Variants in LARS2 observed in about 807,000 individuals in gnomAD.
LARS2 encodes the protein leucyl-tRNA synthetase 2, mitochondrial.
Under a neutral mutation model 116.6 loss-of-function variants are expected in LARS2, and 81 were observed. That is an observed-to-expected ratio of 0.69 (90% confidence interval 0.58 to 0.84). The LOEUF is 0.84. Among genes scored for constraint, LARS2 ranks in the 40% least tolerant of loss-of-function variants. The pLI is 0.00. For missense variants in LARS2, 968 were observed against 1,114.5 expected (o/e 0.87, Z 1.87); for synonymous variants, 396 against 407.2 (o/e 0.97, Z 0.33).
chr3:45,505,086 TA>T (rs949019876), intron 15 of LARS2, among the ~76,000 whole-genome samples: 17 of 145,392 alleles, frequency 1.2e-4, no homozygotes, highest in Admixed American at 1.4e-4. Context: ...GTCTAAAAAT[TA>T]AAAAAAAAAG....
At chr3:45,438,481 G>C (rs2125699160) in intron 6 of LARS2, among the ~76,000 whole-genome samples, 1 of 152,050 alleles carries the variant, frequency 6.6e-6, no homozygotes, top group African/African-American at 2.4e-5. Context: ...TGGTCTGAGA[G>C]GCAGGCATGG....
intron 1 of LARS2, 156 bp downstream of exon 1, chr3:45,388,836 G>C (rs1228614925): frequency 6.6e-6 from 1 of 152,282 alleles, no homozygotes; most frequent in Non-Finnish European, 1.5e-5. Flanking sequence ...GAAAATATCT[G>C]AGATCTAGGT....
intron 7 of LARS2, among the ~76,000 whole-genome samples, chr3:45,456,591 G>A (rs1449034890): frequency 6.6e-6 from 1 of 152,112 alleles, no homozygotes; most frequent in Non-Finnish European, 1.5e-5. Flanking sequence ...TCAAAAAAAA[G>A]AAGAAATAAT....
chr3:45,440,407 CCT>C (rs1345518814), intron 6 of LARS2, among the ~76,000 whole-genome samples: 2 of 152,160 alleles, frequency 1.3e-5, no homozygotes, highest in South Asian at 2.1e-4. Flanking sequence ...GAACAACTCT[CCT>C]CTGTTTCCAA....
chr3:45,435,525 C>A (rs76654196), intron 6 of LARS2, among the ~76,000 whole-genome samples: 2,996 of 152,258 alleles, frequency 0.02, 68 homozygotes, highest in African/African-American at 0.064. Context: ...CTAGGTTAAC[C>A]TTTCCTGGTA....
Position 45,547,394 on chromosome 3 carries a change from T to G in LARS2, c.2576T>G (p.Val859Gly). Residue 859 changes from valine (V) to glycine (G), a missense_variant, in exon 22 of 22, where the codon GTT becomes GGT. Transcript: ENST00000645846. ...ACGKIPVPQQ[V>G]ARDQDKVHEF... is the part of the protein sequence containing the mutation. ...GGCAAAATTCCTGTGCCCCAACAAGTTGCCCGGGACCAGGACAAAGTCCAC... is the reference window on the plus strand; with the variant it reads ...GGCAAAATTCCTGTGCCCCAACAAGGTGCCCGGGACCAGGACAAAGTCCAC... 1 of 1,612,094 alleles carries G rather than the reference T, an allele frequency of 6.2e-7. No individual in the cohort carries two copies. The highest frequency in any genetic ancestry group is 8.5e-7 in the Non-Finnish European group (1 of 1,179,474).
At chr3:45,466,464 C>T (rs1355669078) in intron 8 of LARS2, among the ~76,000 whole-genome samples, 2 of 152,180 alleles carry the variant, frequency 1.3e-5, no homozygotes, top group East Asian at 1.9e-4. Context: ...GCATTTACTG[C>T]TGCTTGAAAT....
At chr3:45,401,712 C>G in intron 4 of LARS2, among the ~76,000 whole-genome samples, 1 of 152,060 alleles carries the variant, frequency 6.6e-6, no homozygotes, top group East Asian at 1.9e-4. Context: ...CCTCGACCTC[C>G]CAGGCTCAAC....
chr3:45,548,774 C>A lies in LARS2; in HGVS notation c.*1244C>A, dbSNP rs1303497838. 6.6e-6 allele frequency: 1 copy of A among 152,126 alleles called. No homozygotes were observed. Among genetic ancestry groups the A allele is most frequent in the Non-Finnish European group, 1.5e-5 (1 of 68,026 alleles). The allele number at this position is 152,126 out of a possible 1,614,324, so 9.4% of individuals were successfully genotyped here. ...TTTCTGAAGTAGCCTCACATGTGGT[C>A]CCCCTGCAGTTCAGCAGTTAACAGA... On this transcript the variant is annotated 3_prime_UTR_variant, in exon 22 of 22. Coordinates refer to ENST00000645846, the MANE Select transcript of LARS2 (RefSeq NM_015340.4).
At chr3:45,427,207 C>T (rs1028655007) in intron 6 of LARS2, among the ~76,000 whole-genome samples, 11 of 152,126 alleles carry the variant, frequency 7.2e-5, no homozygotes, top group African/African-American at 1.9e-4. Context: ...TATACGGATA[C>T]GATGGGCATC....
intron 19 of LARS2, among the ~76,000 whole-genome samples, chr3:45,522,917 TA>T (rs1327455669): frequency 5.3e-5 from 8 of 151,708 alleles, no homozygotes; most frequent in Admixed American, 2.6e-4. Context: ...TTTTTAAAAT[TA>T]AAAAAAAGGA....
intron 7 of LARS2, among the ~76,000 whole-genome samples, chr3:45,454,314 A>G (rs1699180365): frequency 2.0e-5 from 3 of 152,190 alleles, no homozygotes; most frequent in African/African-American, 4.8e-5. Context: ...CTTTATGAAC[A>G]TGGCTCCTTT....
chr3:45,539,154 G>A (rs9812145), intron 20 of LARS2, among the ~76,000 whole-genome samples: 5,131 of 151,846 alleles, frequency 0.034, 255 homozygotes, highest in African/African-American at 0.11. Context: ...TTTTTTCACA[G>A]TAAACACAAA....
chr3:45,402,282 G>T (rs2125676853), intron 4 of LARS2, among the ~76,000 whole-genome samples: 1 of 152,288 alleles, frequency 6.6e-6, no homozygotes, highest in South Asian at 2.1e-4. Flanking sequence ...GCCAGCAGTG[G>T]ACAGGAACCT....
chr3:45,521,576 T>C (rs554562511), intron 19 of LARS2, among the ~76,000 whole-genome samples: 1 of 152,284 alleles, frequency 6.6e-6, no homozygotes, highest in East Asian at 1.9e-4. Context: ...AGACAGAAGG[T>C]TAATATCCTT....
intron 20 of LARS2, among the ~76,000 whole-genome samples, chr3:45,531,074 C>T (rs1399528076): frequency 1.3e-5 from 2 of 152,126 alleles, no homozygotes; most frequent in African/African-American, 2.4e-5. Context: ...GCTATATTTT[C>T]TGACTGATAA....
intron 8 of LARS2, among the ~76,000 whole-genome samples, chr3:45,469,269 G>A (rs1199287229): frequency 6.6e-6 from 1 of 152,158 alleles, no homozygotes; most frequent in Non-Finnish European, 1.5e-5. Context: ...CTATCATAGG[G>A]AGGCTTTACT....
intron 14 of LARS2, among the ~76,000 whole-genome samples, chr3:45,498,033 A>G (rs780189067): frequency 3.3e-5 from 5 of 152,234 alleles, no homozygotes; most frequent in African/African-American, 1.2e-4. Context: ...TGGCCCACAG[A>G]GGGGCTCCCC....
intron 15 of LARS2, among the ~76,000 whole-genome samples, chr3:45,505,412 G>A (rs560097954): frequency 6.6e-6 from 1 of 152,000 alleles, no homozygotes; most frequent in Admixed American, 6.6e-5. Flanking sequence ...CAGGCCAGGC[G>A]TGGTGGTTCA....
Sources: gnomAD v4.1 joint callset for allele counts (sites outside exome capture counted in the v4.1 genomes callset) on GRCh38, gnomAD v4.1.1 for gene constraint, MANE v1.5 for transcripts, NCBI Gene and HGNC (gene_info 2026-07-23, HGNC 2026-07-21) for gene names.